The following TCF12 variants were observed in gnomAD, a reference collection of about 807,000 sequenced individuals.
TCF12 encodes the protein DNA-binding protein HTF4.
Under a neutral mutation model 86.0 loss-of-function variants are expected in TCF12, and 45 were observed. The ratio of observed to expected loss-of-function variants is 0.52; its 90% CI spans 0.41 to 0.67. TCF12 has a LOEUF of 0.67. TCF12 is among the 30% of genes least tolerant of loss of function. The pLI is 0.00. For missense variants in TCF12, 881 were observed against 859.9 expected (o/e 1.02, Z -0.31); for synonymous variants, 330 against 299.6 (o/e 1.10, Z -1.05).
At chr15:57,152,070 A>T (rs2053801935) in intron 5 of TCF12, among the ~76,000 whole-genome samples, 3 of 152,228 alleles carry the variant, frequency 2.0e-5, no homozygotes, top group African/African-American at 7.2e-5. Flanking sequence ...ACAACAGGTG[A>T]TCACTAGAGG....
intron 8 of TCF12, among the ~76,000 whole-genome samples, chr15:57,202,437 CTTT>C (rs1295280076): frequency 2.2e-5 from 3 of 139,350 alleles, no homozygotes; most frequent in East Asian, 2.0e-4. Context: ...CTGCCCTCAG[CTTT>C]TTTTTTTTTT....
chr15:57,018,473 A>AT (rs1239540701), intron 3 of TCF12, among the ~76,000 whole-genome samples: 3 of 150,978 alleles, frequency 2.0e-5, no homozygotes, highest in African/African-American at 4.9e-5. Context: ...TTTTATTTTT[A>AT]TTTTTTTGAG....
At chr15:56,940,583 TCTCCTC>T (rs796972933) in intron 3 of TCF12, among the ~76,000 whole-genome samples, 11 of 143,742 alleles carry the variant, frequency 7.7e-5, no homozygotes, top group African/African-American at 2.6e-4. Context: ...TTCTTCTCCT[TCTCCTC>T]CTCCTCCTCC....
intron 5 of TCF12, among the ~76,000 whole-genome samples, chr15:57,165,025 G>T (rs1193794320): frequency 1.3e-5 from 2 of 152,142 alleles, no homozygotes; most frequent in African/African-American, 4.8e-5. Context: ...ATAAATGGGC[G>T]TGGTGACTTC....
chr15:57,059,612 C>T (rs2068299790), intron 3 of TCF12, among the ~76,000 whole-genome samples: 2 of 151,906 alleles, frequency 1.3e-5, no homozygotes. Flanking sequence ...AGGTTTGTTC[C>T]TAATTCTTCC....
chr15:56,979,123 T>C (rs1438539892), intron 3 of TCF12, among the ~76,000 whole-genome samples: 1 of 152,182 alleles, frequency 6.6e-6, no homozygotes, highest in Admixed American at 6.5e-5. Flanking sequence ...TCTTGTTTAC[T>C]TTGACTCATA....
chr15:57,021,966 A>G (rs2065513136), intron 3 of TCF12, among the ~76,000 whole-genome samples: 4 of 152,128 alleles, frequency 2.6e-5, no homozygotes, highest in Admixed American at 2.6e-4. Flanking sequence ...AATGGTAGGA[A>G]GTGTGATTTC....
At chr15:57,145,086 A>AT (rs2053262165) in intron 5 of TCF12, among the ~76,000 whole-genome samples, 1 of 152,226 alleles carries the variant, frequency 6.6e-6, no homozygotes, top group African/African-American at 2.4e-5. Context: ...AAATAAGAAC[A>AT]TCCCTTATTT....
intron 5 of TCF12, chr15:57,129,935 T>C (rs2051976674): frequency 6.6e-6 from 1 of 152,302 alleles, no homozygotes. Flanking sequence ...ACCCCTCCTT[T>C]TTGCCTATGC....
At chr15:56,939,080 C>G (rs1417577560) in intron 3 of TCF12, among the ~76,000 whole-genome samples, 2 of 152,210 alleles carry the variant, frequency 1.3e-5, no homozygotes, top group Non-Finnish European at 2.9e-5. Flanking sequence ...ATTCTTCACT[C>G]TCAACCTGCA....
intron 3 of TCF12, among the ~76,000 whole-genome samples, chr15:56,931,568 T>C (rs1403598371): frequency 1.3e-5 from 2 of 152,218 alleles, no homozygotes; most frequent in Admixed American, 6.5e-5. Flanking sequence ...GATACTTTGC[T>C]GTAGGGAACA....
chr15:56,922,519 C>T (rs1190894541), intron 3 of TCF12, among the ~76,000 whole-genome samples: 1 of 151,956 alleles, frequency 6.6e-6, no homozygotes, highest in Non-Finnish European at 1.5e-5. Context: ...AGATTATAAG[C>T]ATGGCATTGG....
chr15:57,256,088 T>A (rs1279782569), intron 16 of TCF12, among the ~76,000 whole-genome samples: 1 of 152,238 alleles, frequency 6.6e-6, no homozygotes, highest in Non-Finnish European at 1.5e-5. Flanking sequence ...AATATAAAGT[T>A]ACTAGCTGAC....
intron 13 of TCF12, among the ~76,000 whole-genome samples, chr15:57,249,933 C>T (rs899501061): frequency 4.6e-5 from 7 of 152,006 alleles, no homozygotes; most frequent in Non-Finnish European, 8.8e-5. Context: ...AAGGTATTTT[C>T]GCAAGACCAT....
At chr15:57,126,019 T>C (rs1398772509) in intron 5 of TCF12, among the ~76,000 whole-genome samples, 2 of 152,160 alleles carry the variant, frequency 1.3e-5, no homozygotes, top group African/African-American at 4.8e-5. Context: ...TTGCATGGGC[T>C]CAGGAGTTCG....
intron 20 of TCF12, 92 bp from the exon 21 acceptor site, chr15:57,286,065 A>G (rs1221678352): frequency 2.0e-5 from 3 of 152,722 alleles, no homozygotes; most frequent in African/African-American, 7.2e-5. Context: ...GAATACCAGC[A>G]TTTTTTTGTT....
At chr15:57,194,617 A>C (rs909472164) in intron 7 of TCF12, among the ~76,000 whole-genome samples, 1 of 152,248 alleles carries the variant, frequency 6.6e-6, no homozygotes, top group Non-Finnish European at 1.5e-5. Flanking sequence ...AGCATGCTGC[A>C]TAACAGTATC....
intron 13 of TCF12, among the ~76,000 whole-genome samples, chr15:57,248,754 T>C (rs1342258316): frequency 6.6e-6 from 1 of 152,266 alleles, no homozygotes; most frequent in Admixed American, 6.5e-5. Flanking sequence ...TGTATATTTT[T>C]TTCCAGTTTA....
rs117289491 is a variant in TCF12, at chr15:57,090,899, A to G, written c.223-890A>G. ...GATTTTGGAGGTAATGCTGTACTTA[A>G]AGAGTGCGTAAAAGTCTGAGAACCA... On this transcript the variant is annotated intron_variant, in intron 4 of 20. Transcript: ENST00000333725. 5.8e-3 allele frequency among the ~76,000 whole-genome samples: 881 copies of G among 152,308 alleles called. 10 individuals are homozygous for G. The highest frequency in any genetic ancestry group is 6.9e-3 in the Non-Finnish European group (469 of 68,030).
Sources: allele counts gnomAD v4.1 joint callset (sites outside exome capture counted in the v4.1 genomes callset), GRCh38; gene constraint gnomAD v4.1.1; transcripts MANE v1.5; gene names NCBI Gene and HGNC (gene_info 2026-07-23, HGNC 2026-07-21).